Variants in ELP1 observed in about 807,000 individuals in gnomAD.
The protein encoded by ELP1 is elongator complex protein 1.
A neutral mutation model predicts 183.2 loss-of-function variants in ELP1; 131 were observed. That is an observed-to-expected ratio of 0.72 (90% CI 0.62 to 0.83). The LOEUF is 0.83. ELP1 is among the 40% of genes least tolerant of loss of function. ELP1 has a pLI of 0.00. For missense variants in ELP1, 1,550 were observed against 1,594.9 expected (o/e 0.97, Z 0.48); for synonymous variants, 555 against 569.0 (o/e 0.98, Z 0.35).
At chr9:108,911,992 CT>C (rs1315714552) in intron 11 of ELP1, among the ~76,000 whole-genome samples, 9 of 152,220 alleles carry the variant, frequency 5.9e-5, no homozygotes, top group African/African-American at 2.2e-4. Flanking sequence ...TCCTCTCTAC[CT>C]AGAGTCAAAG....
intron 10 of ELP1, among the ~76,000 whole-genome samples, chr9:108,913,328 G>A (rs1305367099): frequency 6.6e-6 from 1 of 152,150 alleles, no homozygotes; most frequent in East Asian, 1.9e-4. Context: ...GCTGTCCAAA[G>A]AAGATAAGCA....
chr9:108,930,547 G>A (rs1031758262), intron 2 of ELP1, among the ~76,000 whole-genome samples: 7 of 152,114 alleles, frequency 4.6e-5, no homozygotes, highest in African/African-American at 9.6e-5. Flanking sequence ...AAAATTAGCC[G>A]GGCGCGGTGG....
At chr9:108,918,947 T>C (rs750396932) in intron 7 of ELP1, 46 bp from the exon 8 acceptor site, 3 of 1,401,980 alleles carry the variant, frequency 2.1e-6, no homozygotes, top group South Asian at 2.3e-5. Flanking sequence ...TAAAACATTA[T>C]GATAAAAGTT....
chr9:108,887,584 A>C (rs1828173350), intron 29 of ELP1, among the ~76,000 whole-genome samples: 2 of 152,210 alleles, frequency 1.3e-5, no homozygotes, highest in African/African-American at 4.8e-5. Flanking sequence ...AGAAAATGAA[A>C]TTAAAAACTA....
At chr9:108,871,337 T>C (rs1284804061) in intron 36 of ELP1, among the ~76,000 whole-genome samples, 1 of 152,192 alleles carries the variant, frequency 6.6e-6, no homozygotes, top group East Asian at 1.9e-4. Context: ...GTTGAACTCA[T>C]GGAGTTTGGG....
intron 31 of ELP1, 56 bp downstream of exon 31, chr9:108,881,649 C>T: frequency 1.9e-6 from 2 of 1,064,058 alleles, no homozygotes; most frequent in Non-Finnish European, 2.9e-6. Flanking sequence ...ACTCTCTCAT[C>T]TCTCTCTCCT....
At chr9:108,927,644 T>G (rs550562857) in intron 3 of ELP1, among the ~76,000 whole-genome samples, 191 bp from the exon 4 acceptor site, 27 of 152,290 alleles carry the variant, frequency 1.8e-4, no homozygotes, top group Middle Eastern at 3.4e-3. Flanking sequence ...TAAGTGTCCA[T>G]CAATGGATGA....
intron 14 of ELP1, among the ~76,000 whole-genome samples, chr9:108,905,696 T>C (rs1026864316): frequency 2.2e-4 from 34 of 152,132 alleles, no homozygotes; most frequent in Admixed American, 2.0e-3. Flanking sequence ...GCAAACATCA[T>C]AGAGTACTTA....
chr9:108,882,460 T>C (rs1827966874), intron 29 of ELP1, among the ~76,000 whole-genome samples: 1 of 152,150 alleles, frequency 6.6e-6, no homozygotes, highest in African/African-American at 2.4e-5. Context: ...AAACGTCTGT[T>C]AGACATGCCC....
At chr9:108,900,117 A>C in intron 19 of ELP1, 143 bp downstream of exon 19, 2 of 795,816 alleles carry the variant, frequency 2.5e-6, no homozygotes, top group Non-Finnish European at 4.3e-6. Context: ...CTTTGAATAA[A>C]GCTAACAGAA....
Position 108,891,281 on chromosome 9 carries a change from A to G in ELP1, c.3082T>C (p.Trp1028Arg), listed in dbSNP as rs1828321519. Reference sequence around the variant, plus strand: ...GCTGCCACACAGAGGGCTTGCTTCCAGTTGCCACATGTCAGAAAGGCTGAG... The same window carrying G: ...GCTGCCACACAGAGGGCTTGCTTCCGGTTGCCACATGTCAGAAAGGCTGAG... ...ALSAFLTCGNWKQALCVAAQL... is the reference protein window; with the variant it reads ...ALSAFLTCGNRKQALCVAAQL... The change falls in exon 28 of 37, where the codon TGG (tryptophan) becomes CGG (arginine). Residue 1028 changes from tryptophan to arginine, a missense_variant. Coordinates refer to ENST00000374647, the MANE Select transcript of ELP1 (RefSeq NM_003640.5). 1.2e-6 allele frequency: 2 copies of G among 1,614,112 alleles called. No homozygotes were observed.
chr9:108,881,222 T>C (rs1350941516), intron 31 of ELP1, among the ~76,000 whole-genome samples: 1 of 152,222 alleles, frequency 6.6e-6, no homozygotes, highest in Non-Finnish European at 1.5e-5. Context: ...ATTACTAACA[T>C]TTTGACATTT....
intron 31 of ELP1, among the ~76,000 whole-genome samples, chr9:108,880,471 CA>C (rs1169859575): frequency 2.0e-5 from 3 of 147,004 alleles, no homozygotes; most frequent in Admixed American, 6.7e-5. Context: ...AACAAACAAA[CA>C]AAAAAAGGGG....
At chr9:108,872,807 A>AG (rs1564207196) in intron 36 of ELP1, among the ~76,000 whole-genome samples, 2 of 22,762 alleles carry the variant, frequency 8.8e-5, no homozygotes, top group East Asian at 2.5e-3. Flanking sequence ...TCTGTCTGAA[A>AG]AAAAAAAAAA....
chr9:108,901,229 T>C (rs1416042710), intron 18 of ELP1, among the ~76,000 whole-genome samples, 196 bp downstream of exon 18: 1 of 152,214 alleles, frequency 6.6e-6, no homozygotes, highest in Non-Finnish European at 1.5e-5. Context: ...TCCTTGGATG[T>C]CTTTACTAAA....
chr9:108,928,636 A>T (rs762220873), intron 3 of ELP1, among the ~76,000 whole-genome samples: 18 of 152,242 alleles, frequency 1.2e-4, no homozygotes, highest in Non-Finnish European at 2.6e-4. Context: ...ATAAGGCACA[A>T]TAGTGGGCTC....
intron 5 of ELP1, among the ~76,000 whole-genome samples, chr9:108,924,895 C>T (rs888061851): frequency 2.0e-5 from 3 of 152,184 alleles, no homozygotes; most frequent in South Asian, 2.1e-4. Context: ...TTCTTATTCA[C>T]CTTACATACG....
intron 36 of ELP1, among the ~76,000 whole-genome samples, chr9:108,874,375 C>A (rs569684596): frequency 1.3e-5 from 2 of 152,256 alleles, no homozygotes; most frequent in East Asian, 3.9e-4. Flanking sequence ...CTCCCCTCAA[C>A]AAATAAAACA....
intron 14 of ELP1, among the ~76,000 whole-genome samples, chr9:108,904,790 T>C (rs1447040022): frequency 6.6e-6 from 1 of 152,214 alleles, no homozygotes; most frequent in Non-Finnish European, 1.5e-5. Flanking sequence ...TAGAAGAGTA[T>C]TTTTTACAAA....
Sources: allele counts gnomAD v4.1 joint callset (sites outside exome capture counted in the v4.1 genomes callset), GRCh38; gene constraint gnomAD v4.1.1; transcripts MANE v1.5; gene names NCBI Gene and HGNC (gene_info 2026-07-23, HGNC 2026-07-21).